The following DCST2 variants were observed in gnomAD, a reference collection of about 807,000 sequenced individuals.
The protein encoded by DCST2 is DC-STAMP domain-containing protein 2.
A neutral mutation model predicts 81.8 loss-of-function variants in DCST2; 64 were observed. The observed-to-expected ratio is 0.78, with a 90% confidence interval of 0.64 to 0.96. The LOEUF is 0.96. DCST2 is among the 40% of genes least tolerant of loss of function. DCST2 has a pLI of 0.00. For synonymous variants in DCST2, 354 were observed against 402.6 expected, an observed-to-expected ratio of 0.88 and a Z score of 1.44; for missense variants, 945 against 1,001.4, an observed-to-expected ratio of 0.94 and a Z score of 0.76.
Position 155,032,770 on chromosome 1 carries a change from T to A in DCST2, c.440-2A>T. On this transcript the variant is annotated splice_acceptor_variant, in intron 2 of 14. Transcript: ENST00000368424. LOFTEE classifies it high-confidence loss of function. ...TAGCTTTAATCTTGTTCAGGGCACC[T>A]GATGGGTGAGGGACAGAGGCACTTT... is the stretch of plus-strand genomic sequence containing the variant. 6.2e-7 allele frequency: 1 copy of A among 1,613,952 alleles called. No individual in the cohort carries two copies. Among genetic ancestry groups the A allele is most frequent in the Non-Finnish European group, 8.5e-7 (1 of 1,179,822 alleles).
chr1:155,031,909 C>T, intron 3 of DCST2, 138 bp from the exon 4 acceptor site: 1 of 884,166 alleles, frequency 1.1e-6, no homozygotes, highest in Non-Finnish European at 1.7e-6. Context: ...CCAGTGAACA[C>T]TAGCCAGCGC....
intron 3 of DCST2, 35 bp downstream of exon 3, chr1:155,032,632 T>C (rs113220679): frequency 2.9e-5 from 46 of 1,597,956 alleles, no homozygotes; most frequent in Non-Finnish European, 3.8e-5. Flanking sequence ...TGGGTGCATT[T>C]TGAGTCCCCG....
At chr1:155,026,883 C>T (rs992936796) in intron 8 of DCST2, 168 bp from the exon 9 acceptor site, 1 of 756,670 alleles carries the variant, frequency 1.3e-6, no homozygotes. Flanking sequence ...GGGGCCTGAC[C>T]TCAGTTCTGG....
intron 14 of DCST2, among the ~76,000 whole-genome samples, chr1:155,019,796 C>T (rs1260749088): frequency 6.6e-6 from 1 of 152,264 alleles, no homozygotes; most frequent in Non-Finnish European, 1.5e-5. Context: ...CGCACTGGAG[C>T]AATCATTACA....
Position 155,024,568 on chromosome 1 carries a change from C to T in DCST2, c.1646G>A (p.Ser549Asn), listed in dbSNP as rs2102336491. ...RISYLYNVLL[S>N]RRTNLLAALH... ...GGCAGCCAACAGATTGGTTCGGCGG[C>T]TCAGAAGTACATTGTACAGGTAGGA... is the stretch of plus-strand genomic sequence containing the variant. The change falls in exon 11 of 15, where the codon AGC (serine) becomes AAC (asparagine). Residue 549 changes from serine to asparagine, a missense_variant. Ser to Asn is a conservative substitution (Grantham distance 46, BLOSUM62 1). Transcript: ENST00000368424. The T allele has an allele frequency of 3.1e-6, 5 of 1,609,430 alleles. No individual in the cohort carries two copies. Among genetic ancestry groups the T allele is most frequent in the South Asian group, 1.1e-5 (1 of 89,516 alleles).
rs1055156042 is a variant in DCST2 at position 155,023,578 on chromosome 1, G to T, written c.1871-121C>A. ...CTGGATGAACCATCCTTGTCAAGGG[G>T]TGCACACTAGGGAGCTGCTGCAATG... On this transcript the variant is annotated intron_variant, in intron 12 of 14. Transcript: ENST00000368424. 6.5e-6 allele frequency: 10 copies of T among 1,546,762 alleles called. No individual in the cohort carries two copies. The Admixed American group carries it at 1.2e-4, about 18-fold the overall frequency.
In DCST2 at chr1:155,023,247, C is replaced by G; in HGVS notation, c.1975G>C (p.Asp659His). ...GDLDLELDSS[D>H]EEGPQLWLAA... Reference sequence around the variant, plus strand: ...AGCCATAGCTGAGGGCCCTCCTCATCGCTGGAGTCCCTGGAGAAGACTCTC... The same window carrying G: ...AGCCATAGCTGAGGGCCCTCCTCATGGCTGGAGTCCCTGGAGAAGACTCTC... Residue 659 changes from aspartate (D) to histidine (H), a missense_variant, in exon 14 of 15, where the codon GAT (aspartate) becomes CAT (histidine). By Grantham distance (81) the Asp-to-His change is moderately conservative (BLOSUM62 -1). Transcript: ENST00000368424. 1 of 1,614,140 alleles carries G rather than the reference C, an allele frequency of 6.2e-7. No homozygotes were observed. The highest frequency in any genetic ancestry group is 2.2e-5 in the East Asian group (1 of 44,882).
chr1:155,023,824 G>A lies in DCST2; in HGVS notation c.1870+8C>T, dbSNP rs758791192. ...GCAGGGAGAGGCACACGCCCCAGGGGGTCTCACCTTGGCAGCCGGGGGTAC... is the reference window on the plus strand; with the variant it reads ...GCAGGGAGAGGCACACGCCCCAGGGAGTCTCACCTTGGCAGCCGGGGGTAC... On this transcript the variant is annotated splice_region_variant and intron_variant, in intron 12 of 14. Coordinates refer to ENST00000368424, the MANE Select transcript of DCST2 (RefSeq NM_144622.3). 1.9e-6 allele frequency: 3 copies of A among 1,613,126 alleles called. No individual in the cohort carries two copies. Among genetic ancestry groups the A allele is most frequent in the Non-Finnish European group, 2.5e-6 (3 of 1,179,750 alleles).
rs1306485199 is a variant in DCST2 at position 155,031,643 on chromosome 1, T to C, written c.670A>G (p.Ile224Val). 1 of 1,613,990 alleles carries C rather than the reference T, an allele frequency of 6.2e-7. No homozygotes were observed. ...DDAKDSCMMV[I>V]PQAYHLCYVL... is the part of the protein sequence containing the mutation. The stretch of plus-strand genomic sequence containing the variant: ...TAACACAGGTGGTAGGCTTGTGGTA[T>C]GACCATCATGCAGCTGTCCTTGGCA... The change falls in exon 4 of 15, where the codon ATA becomes GTA. Residue 224 changes from isoleucine to valine, a missense_variant. By Grantham distance (29) the Ile-to-Val change is conservative. Transcript: ENST00000368424.
chr1:155,031,883 C>T, intron 3 of DCST2, 112 bp from the exon 4 acceptor site: 1 of 1,151,552 alleles, frequency 8.7e-7, no homozygotes. Context: ...TGGTCAGGGA[C>T]CTGGCTGTGC....
rs1659863639 is a variant in DCST2 at position 155,025,140 on chromosome 1, T to G, written c.1612-538A>C. On this transcript the variant is annotated intron_variant, in intron 10 of 14. Transcript: ENST00000368424. ...CTAGCCTGGGCAACAAGAGCAAAAT[T>G]CTGTCTCAAAAAAAAAAAAAAAAAA... Among the ~76,000 whole-genome samples, 5 of 130,530 alleles carry G rather than the reference T, an allele frequency of 3.8e-5. 1 individual carries two copies. The South Asian group carries it at 1.4e-3, about 37-fold the overall frequency. 85.6% of individuals were successfully genotyped at this position (130,530 alleles called of 152,430 possible).
At chr1:155,030,028 T>TG (rs1236072070) in intron 7 of DCST2, 56 bp downstream of exon 7, 1 of 1,602,560 alleles carries the variant, frequency 6.2e-7, no homozygotes. Context: ...GGCAGCGGGG[T>TG]GGGGGGAAGC....
chr1:155,028,288 C>T (rs1025562758), intron 8 of DCST2, among the ~76,000 whole-genome samples: 2 of 152,124 alleles, frequency 1.3e-5, no homozygotes, highest in African/African-American at 4.8e-5. Context: ...ATTATTATTC[C>T]ACTATTCAGA....
At chr1:155,030,744 T>C in intron 5 of DCST2, 99 bp from the exon 6 acceptor site, 1 of 1,332,384 alleles carries the variant, frequency 7.5e-7, no homozygotes, top group African/African-American at 1.5e-5. Flanking sequence ...GGGGCGCAGC[T>C]TACAGACCAG....
chr1:155,018,915 G>A (rs775743119), intron 14 of DCST2, among the ~76,000 whole-genome samples, 155 bp from the exon 15 acceptor site: 5 of 152,106 alleles, frequency 3.3e-5, no homozygotes, highest in Non-Finnish European at 5.9e-5. Flanking sequence ...CCAGCCCATG[G>A]CTGTAGATAT....
chr1:155,019,945 C>T (rs540076804), intron 14 of DCST2, among the ~76,000 whole-genome samples: 37 of 152,326 alleles, frequency 2.4e-4, no homozygotes, highest in Non-Finnish European at 1.3e-4. Flanking sequence ...TATTCCACTC[C>T]CAGCTGCCTG....
chr1:155,024,335 C>T (rs1338300264), intron 11 of DCST2, 137 bp downstream of exon 11: 2 of 1,216,228 alleles, frequency 1.6e-6, no homozygotes, highest in South Asian at 2.2e-5. Flanking sequence ...CCACCTTTCA[C>T]AGCGTTAAGG....
chr1:155,029,543 T>A, intron 7 of DCST2, 146 bp from the exon 8 acceptor site: 1 of 823,446 alleles, frequency 1.2e-6, no homozygotes, highest in Non-Finnish European at 1.9e-6. Flanking sequence ...CTGTGAGGAC[T>A]CTGGCAAGGA....
intron 12 of DCST2, 44 bp downstream of exon 12, chr1:155,023,788 G>C (rs1376910976): frequency 1.9e-6 from 3 of 1,609,612 alleles, no homozygotes; most frequent in Admixed American, 3.4e-5. Context: ...ATGCAAGTGG[G>C]GTAAGTCCGA....
Sources: allele counts gnomAD v4.1 joint callset (sites outside exome capture counted in the v4.1 genomes callset), GRCh38; gene constraint gnomAD v4.1.1; transcripts MANE v1.5; gene names NCBI Gene and HGNC (gene_info 2026-07-23, HGNC 2026-07-21).